The following DLGAP2 variants were observed in gnomAD, a reference collection of about 807,000 sequenced individuals.
DLGAP2 encodes DLG associated protein 2, also known as disks large-associated protein 2.
In DLGAP2, 26 loss-of-function variants were observed where a neutral mutation model predicts 100.3. The observed-to-expected ratio is 0.26, with a 90% CI of 0.19 to 0.36. The LOEUF is 0.36. Ranked by LOEUF, DLGAP2 falls within the 10% of genes least tolerant of loss-of-function variation. The probability of loss-of-function intolerance (pLI) is 1.00; values close to 1 mark genes in which losing one functional copy is unlikely to be tolerated. For missense variants in DLGAP2, 1,858 were observed against 1,453.2 expected, an observed-to-expected ratio of 1.28 and a Z score of -4.53; for synonymous variants, 886 against 630.1, an observed-to-expected ratio of 1.41 and a Z score of -6.08.
At chr8:1,585,158 C>T (rs1305079229) in intron 6 of DLGAP2, among the ~76,000 whole-genome samples, 1 of 152,232 alleles carries the variant, frequency 6.6e-6, no homozygotes, top group African/African-American at 2.4e-5. Flanking sequence ...AGACTGGCGC[C>T]TGGTTTGTTC....
Position 1,702,143 on chromosome 8 carries a change from C to G in DLGAP2, c.*737C>G, listed in dbSNP as rs118119686. 1 of 152,196 alleles carries G rather than the reference C, an allele frequency of 6.6e-6. No homozygotes were observed. Among genetic ancestry groups the G allele is most frequent in the African/African-American group, 2.4e-5 (1 of 41,438 alleles). 9.4% of individuals were successfully genotyped at this position (152,196 alleles called of 1,614,324 possible). A position where few individuals can be genotyped will look rare whatever the true frequency, so the allele number is the denominator to read the frequency against. On this transcript the variant is annotated 3_prime_UTR_variant, in exon 15 of 15. Transcript: ENST00000637795. ...GCTGAGTGTTCCCACCAGGAAGTCACGCGCAGAGAGGAGAGTCTTACGGAG... is the reference window on the plus strand; with the variant it reads ...GCTGAGTGTTCCCACCAGGAAGTCAGGCGCAGAGAGGAGAGTCTTACGGAG...
intron 2 of DLGAP2, among the ~76,000 whole-genome samples, chr8:1,242,535 G>C (rs1211534138): frequency 6.6e-6 from 1 of 152,190 alleles, no homozygotes; most frequent in African/African-American, 2.4e-5. Flanking sequence ...ATCCTGCTGA[G>C]GTACATTTCC....
chr8:1,217,629 A>G (rs1428571047), intron 2 of DLGAP2, among the ~76,000 whole-genome samples: 1 of 152,122 alleles, frequency 6.6e-6, no homozygotes, highest in Non-Finnish European at 1.5e-5. Flanking sequence ...CTCCCTGGTT[A>G]GCTGTATTCC....
At chr8:1,686,186 G>GA (rs1799109931) in intron 12 of DLGAP2, among the ~76,000 whole-genome samples, 2 of 152,134 alleles carry the variant, frequency 1.3e-5, no homozygotes, top group Non-Finnish European at 2.9e-5. Flanking sequence ...CCCATCAGTA[G>GA]AAAAATGGAT....
chr8:1,447,051 G>C (rs1368724936), intron 3 of DLGAP2, among the ~76,000 whole-genome samples: 3 of 152,180 alleles, frequency 2.0e-5, no homozygotes, highest in Admixed American at 1.3e-4. Flanking sequence ...GGGACAATTT[G>C]ACTTCCTCTT....
intron 7 of DLGAP2, among the ~76,000 whole-genome samples, chr8:1,630,349 T>C (rs991622448): frequency 3.3e-5 from 5 of 152,032 alleles, no homozygotes; most frequent in Non-Finnish European, 7.4e-5. Flanking sequence ...ACATCTGGAA[T>C]TACTAACACT....
intron 2 of DLGAP2, among the ~76,000 whole-genome samples, chr8:1,203,503 G>C (rs1449322427): frequency 6.6e-6 from 1 of 152,156 alleles, no homozygotes; most frequent in East Asian, 1.9e-4. Context: ...TGCGTGTCCT[G>C]AGTAGGGATA....
chr8:1,227,058 C>G (rs1042781481), intron 2 of DLGAP2, among the ~76,000 whole-genome samples: 2 of 148,100 alleles, frequency 1.4e-5, no homozygotes, highest in African/African-American at 2.6e-5. Context: ...TCTGCACTCC[C>G]TGTTCACCTG....
At chr8:856,065 A>C (rs1214054022) in intron 1 of DLGAP2, among the ~76,000 whole-genome samples, 1 of 152,218 alleles carries the variant, frequency 6.6e-6, no homozygotes, top group Non-Finnish European at 1.5e-5. Context: ...AGACAAGAAA[A>C]GGAAATAAAA....
intron 1 of DLGAP2, among the ~76,000 whole-genome samples, chr8:770,607 AGCATGCACCTCTGTCCTGTT>A (rs1821331470): frequency 6.6e-6 from 1 of 152,050 alleles, no homozygotes; most frequent in South Asian, 2.1e-4. Context: ...ACAATTTCTA[AGCATGCACCTCTGTCCTGTT>A]TGGCCGAGGA....
chr8:969,136 C>T (rs1282791635), intron 2 of DLGAP2, among the ~76,000 whole-genome samples: 1 of 152,130 alleles, frequency 6.6e-6, no homozygotes, highest in Non-Finnish European at 1.5e-5. Context: ...AGACCTCTCC[C>T]CAGGGGGGAT....
chr8:1,677,496 T>C (rs7841740), intron 11 of DLGAP2, among the ~76,000 whole-genome samples: 5,336 of 152,166 alleles, frequency 0.035, 317 homozygotes, highest in African/African-American at 0.12. Flanking sequence ...ATGGCTGCAG[T>C]AGCTGGGACT....
intron 3 of DLGAP2, among the ~76,000 whole-genome samples, chr8:1,260,314 C>T (rs994244787): frequency 1.3e-5 from 2 of 152,052 alleles, no homozygotes; most frequent in African/African-American, 2.4e-5. Context: ...AACCCCTCAC[C>T]GAGAGTTTTC....
At chr8:1,695,630 C>A (rs992286310) in intron 13 of DLGAP2, among the ~76,000 whole-genome samples, 2 of 151,464 alleles carry the variant, frequency 1.3e-5, no homozygotes, top group Non-Finnish European at 2.9e-5. Context: ...CAGCCATGCC[C>A]GGCACTACAG....
rs111780228 is a variant in DLGAP2 at position 905,450 on chromosome 8, T to TC, written c.19-2454dup. Among the ~76,000 whole-genome samples, 805 of 151,616 alleles carry TC rather than the reference T, an allele frequency of 5.3e-3. 6 individuals carry two copies. The highest frequency in any genetic ancestry group is 0.018 in the African/African-American group (758 of 41,326). On this transcript the variant is annotated intron_variant, in intron 1 of 14. Transcript: ENST00000637795. ...TCTGAACTGGTGACTCTCAAGCGAT[T>TC]CCCCCCCCACAGCCCTTTTTCAAAT...
Position 1,548,872 on chromosome 8 carries a change from C to T in DLGAP2, c.419C>T (p.Ser140Leu), listed in dbSNP as rs372318078. Reference protein sequence around the residue: ...GGRHRCSPRSSVHSECVMMPV... With the variant: ...GGRHRCSPRSLVHSECVMMPV... Reference sequence around the variant, plus strand: ...CGCCACCGCTGCTCGCCGCGCAGCTCGGTGCACTCGGAGTGCGTGATGATG... The same window carrying T: ...CGCCACCGCTGCTCGCCGCGCAGCTTGGTGCACTCGGAGTGCGTGATGATG... The change falls in exon 5 of 15, where the codon TCG becomes TTG. Residue 140 changes from serine (S) to leucine (L), a missense_variant. Transcript: ENST00000637795. The T allele has an allele frequency of 3.0e-5, 48 of 1,592,266 alleles. No homozygotes were observed. Among genetic ancestry groups the T allele is most frequent in the Admixed American group, 5.0e-5 (3 of 59,460 alleles).
intron 6 of DLGAP2, among the ~76,000 whole-genome samples, chr8:1,582,307 A>AGCCCCACACACATGTACACACC (rs1292749651): frequency 2.1e-4 from 21 of 102,328 alleles, no homozygotes; most frequent in South Asian, 5.5e-4. Context: ...GATACAGATA[A>AGCCCCACACACATGTACACACC]AACCTTAAAA....
At chr8:1,048,457 C>T (rs1291258801) in intron 2 of DLGAP2, among the ~76,000 whole-genome samples, 2 of 152,030 alleles carry the variant, frequency 1.3e-5, no homozygotes, top group Non-Finnish European at 2.9e-5. Flanking sequence ...ACGGCATCGT[C>T]TGTGCGTCTG....
intron 6 of DLGAP2, chr8:1,621,819 CAGTCA>C (rs1393644136): frequency 6.6e-6 from 1 of 152,246 alleles, no homozygotes; most frequent in East Asian, 1.9e-4. Flanking sequence ...CGAGCCTCTG[CAGTCA>C]AGAGCCCAGA....
Sources: allele counts gnomAD v4.1 joint callset (sites outside exome capture counted in the v4.1 genomes callset), GRCh38; gene constraint gnomAD v4.1.1; transcripts MANE v1.5; gene names NCBI Gene and HGNC (gene_info 2026-07-23, HGNC 2026-07-21).